ESR1: variants seen among roughly 807,000 people sequenced by gnomAD.
ESR1 encodes estrogen receptor.
In ESR1, 12 loss-of-function variants were observed where a neutral mutation model predicts 52.7. The ratio of observed to expected loss-of-function variants is 0.23; its 90% CI spans 0.15 to 0.37. The LOEUF is 0.37. ESR1 is among the 10% of genes least tolerant of loss of function. The pLI, the probability that ESR1 is intolerant of heterozygous loss-of-function variation, is 1.00. For missense variants in ESR1, 584 were observed against 779.7 expected (o/e 0.75, Z 2.99); for synonymous variants, 305 against 316.8 (o/e 0.96, Z 0.39).
At position 152,094,429 on chromosome 6, in the gene ESR1, A is replaced by G. The variant is rs769558083; in HGVS notation, c.1414A>G (p.Lys472Glu). ...LSSTLKSLEE[K>E]DHIHRVLDKI... is the part of the protein sequence containing the mutation. The stretch of plus-strand genomic sequence containing the variant: ...CAGCACCCTGAAGTCTCTGGAAGAG[A>G]AGGACCATATCCACCGAGTCCTGGA... Residue 472 changes from lysine (K) to glutamate (E), a missense_variant, in exon 7 of 8, where the codon AAG becomes GAG. Around this residue, in one of 6 missense-constraint regions of ESR1, gnomAD observed 141 missense variants for 289.3 expected, o/e 0.49. Transcript: ENST00000206249. This position sits in a 1 kb window ranked among gnomAD's most constrained non-coding sequence, Gnocchi z 4.6. The G allele has an allele frequency of 6.2e-7, 1 of 1,614,064 alleles. No homozygotes were observed. The highest frequency in any genetic ancestry group is 1.3e-5 in the African/African-American group (1 of 74,994).
At chr6:152,019,179 A>T (rs2043414169) in intron 5 of ESR1, among the ~76,000 whole-genome samples, 1 of 152,228 alleles carries the variant, frequency 6.6e-6, no homozygotes, top group African/African-American at 2.4e-5. Flanking sequence ...AAGATAAATC[A>T]AAATATCCAT....
intron 3 of ESR1, among the ~76,000 whole-genome samples, chr6:151,911,451 T>G (rs1798241646): frequency 6.6e-6 from 1 of 152,216 alleles, no homozygotes; most frequent in Non-Finnish European, 1.5e-5. Flanking sequence ...TAATTCTGTT[T>G]TATTCTCAAT....
At chr6:151,949,760 G>A (rs1325446141) in intron 4 of ESR1, among the ~76,000 whole-genome samples, 3 of 152,204 alleles carry the variant, frequency 2.0e-5, no homozygotes, top group Non-Finnish European at 1.5e-5. Flanking sequence ...GCTGTTGACT[G>A]GATTTTTCTT....
At chr6:151,962,323 A>G (rs985191) in intron 4 of ESR1, among the ~76,000 whole-genome samples, 1 of 151,960 alleles carries the variant, frequency 6.6e-6, no homozygotes, top group Non-Finnish European at 1.5e-5. Context: ...TTAAAACCCA[A>G]GTGGGTTACC....
chr6:152,065,565 T>C (rs2047901096), intron 6 of ESR1, among the ~76,000 whole-genome samples: 1 of 152,174 alleles, frequency 6.6e-6, no homozygotes, highest in Admixed American at 6.5e-5. Context: ...TTAACCACAG[T>C]TCTATATATT....
intron 2 of ESR1, among the ~76,000 whole-genome samples, chr6:151,861,828 A>T (rs1433847938): frequency 6.6e-6 from 1 of 152,046 alleles, no homozygotes; most frequent in Non-Finnish European, 1.5e-5. Flanking sequence ...AATTAGCCTT[A>T]TGCTGACTGG....
chr6:151,917,371 A>G (rs2030487170), intron 3 of ESR1, among the ~76,000 whole-genome samples: 1 of 152,212 alleles, frequency 6.6e-6, no homozygotes, highest in Non-Finnish European at 1.5e-5. Context: ...GAAGCCAGGC[A>G]AGAAAAATAT....
intron 3 of ESR1, among the ~76,000 whole-genome samples, chr6:151,896,020 C>T (rs1417442918): frequency 6.6e-6 from 1 of 152,204 alleles, no homozygotes; most frequent in Non-Finnish European, 1.5e-5. Flanking sequence ...GAACTCCTGA[C>T]CTCGTGATCC....
In ESR1 at chr6:152,102,033, T is replaced by C. The variant is rs529355852; in HGVS notation, c.*3067T>C. The C allele has an allele frequency of 9.3e-6, 2 of 214,500 alleles. No homozygotes were observed. Among genetic ancestry groups the C allele is most frequent in the Admixed American group, 1.2e-4 (2 of 17,146 alleles). The allele number at this position is 214,500 out of a possible 1,614,324, so 13.3% of individuals were successfully genotyped here. A position where few individuals can be genotyped will look rare whatever the true frequency, so the allele number is the denominator to read the frequency against. Reference sequence around the variant, plus strand: ...ATTCTATAATGCCATCATGCAGCAATTATGAGAGGCTAGGTCATCCAAAGA... The same window carrying C: ...ATTCTATAATGCCATCATGCAGCAACTATGAGAGGCTAGGTCATCCAAAGA... On this transcript the variant is annotated 3_prime_UTR_variant, in exon 8 of 8. Coordinates refer to ENST00000206249, the MANE Select transcript of ESR1 (RefSeq NM_000125.4).
chr6:152,044,857 A>G (rs1312795029), intron 5 of ESR1, among the ~76,000 whole-genome samples: 1 of 152,132 alleles, frequency 6.6e-6, no homozygotes, highest in East Asian at 1.9e-4. Context: ...CTTTGACAAC[A>G]CCCTCACAGA....
intron 2 of ESR1, among the ~76,000 whole-genome samples, chr6:151,703,162 G>T (rs759869918): frequency 1.3e-5 from 2 of 152,172 alleles, no homozygotes; most frequent in Non-Finnish European, 2.9e-5. Flanking sequence ...GGCCTGTTTG[G>T]TGAAGTATTT....
At chr6:151,956,859 TATAA>T (rs1198331408) in intron 4 of ESR1, among the ~76,000 whole-genome samples, 22 of 83,860 alleles carry the variant, frequency 2.6e-4, no homozygotes, top group African/African-American at 7.0e-4. Context: ...TATATATATA[TATAA>T]ATATATATAT....
At chr6:151,983,249 C>G (rs1301586702) in intron 4 of ESR1, among the ~76,000 whole-genome samples, 1 of 152,064 alleles carries the variant, frequency 6.6e-6, no homozygotes, top group African/African-American at 2.4e-5. Flanking sequence ...TAAAAATTCA[C>G]CACGTAGAGA....
intron 1 of ESR1, among the ~76,000 whole-genome samples, chr6:151,827,635 A>T (rs1467794086): frequency 6.6e-6 from 1 of 152,210 alleles, no homozygotes; most frequent in Non-Finnish European, 1.5e-5. Flanking sequence ...AAGGATGATG[A>T]CTATTTTTAA....
At chr6:151,931,576 A>G (rs1304000516) in intron 3 of ESR1, among the ~76,000 whole-genome samples, 3 of 145,766 alleles carry the variant, frequency 2.1e-5, no homozygotes, top group Non-Finnish European at 4.5e-5. Context: ...AGCATTAGGT[A>G]TATCTCCCAA....
chr6:151,851,281 C>T (rs892672392), intron 2 of ESR1, among the ~76,000 whole-genome samples: 2 of 152,034 alleles, frequency 1.3e-5, no homozygotes, highest in Admixed American at 1.3e-4. Flanking sequence ...TTGTTAAGCC[C>T]CTGAAGATAA....
chr6:151,912,209 C>T (rs1053322000), intron 3 of ESR1, among the ~76,000 whole-genome samples: 2 of 152,206 alleles, frequency 1.3e-5, no homozygotes, highest in African/African-American at 4.8e-5. Context: ...TCAAAGCATT[C>T]AGCGTGTCTG....
intron 6 of ESR1, among the ~76,000 whole-genome samples, chr6:152,082,003 A>G (rs2049266532): frequency 1.3e-5 from 2 of 152,222 alleles, no homozygotes; most frequent in Non-Finnish European, 2.9e-5. Context: ...CCAGGACCAG[A>G]TGGATTCACA....
At chr6:151,970,565 A>G (rs1223249525) in intron 4 of ESR1, among the ~76,000 whole-genome samples, 2 of 152,150 alleles carry the variant, frequency 1.3e-5, no homozygotes, top group Non-Finnish European at 2.9e-5. Context: ...GGCACAGAGT[A>G]CCTTGAATCT....
Sources: allele counts gnomAD v4.1 joint callset (sites outside exome capture counted in the v4.1 genomes callset), GRCh38; gene constraint gnomAD v4.1.1; regional missense constraint gnomAD v4.1.1; non-coding constraint Gnocchi (gnomAD v3.1); transcripts MANE v1.5; gene names NCBI Gene and HGNC (gene_info 2026-07-23, HGNC 2026-07-21).